Variants in PFKFB4 observed in about 807,000 individuals in gnomAD.
The protein encoded by PFKFB4 is 6-phosphofructo-2-kinase/fructose-2,6-biphosphatase 4.
Under a neutral mutation model 62.8 loss-of-function variants are expected in PFKFB4, and 42 were observed. The ratio of observed to expected loss-of-function variants is 0.67; its 90% CI spans 0.52 to 0.86. PFKFB4 has a LOEUF of 0.86. Among genes scored for constraint, PFKFB4 ranks in the 40% least tolerant of loss-of-function variants. PFKFB4 has a pLI of 0.00. For missense variants in PFKFB4, 475 were observed against 627.2 expected (o/e 0.76, Z 2.59); for synonymous variants, 204 against 240.7 (o/e 0.85, Z 1.41).
At chr3:48,535,703 G>A (rs1218011782) in intron 8 of PFKFB4, 45 bp from the exon 9 acceptor site, 1 of 1,609,684 alleles carries the variant, frequency 6.2e-7, no homozygotes, top group South Asian at 1.1e-5. Flanking sequence ...GTCTTGGGCT[G>A]CCCTTAAAGC....
intron 3 of PFKFB4, among the ~76,000 whole-genome samples, chr3:48,547,171 T>C (rs539587215): frequency 3.1e-4 from 47 of 152,176 alleles, no homozygotes; most frequent in Non-Finnish European, 5.4e-4. Context: ...GGTGAGAACA[T>C]GTGCGCCTTC....
At chr3:48,561,115 T>C (rs1407817955), upstream of PFKFB4, 3 of 1,283,202 alleles carry the variant, frequency 2.3e-6, no homozygotes, top group African/African-American at 3.1e-5. The surrounding 1 kb of genome is among the most constrained non-coding windows in gnomAD (Gnocchi z 5.2). Flanking sequence ...CCTCTGTCCA[T>C]CCTGCAACCA....
intron 1 of PFKFB4, among the ~76,000 whole-genome samples, chr3:48,555,908 TAA>T (rs397957030): frequency 7.1e-6 from 1 of 140,056 alleles, no homozygotes; most frequent in South Asian, 2.3e-4. Context: ...ACTCATCTCT[TAA>T]AAAAAAAAAA....
At chr3:48,543,778 T>C (rs1329051421) in intron 3 of PFKFB4, 132 bp from the exon 4 acceptor site, 1 of 715,024 alleles carries the variant, frequency 1.4e-6, no homozygotes, top group Non-Finnish European at 2.5e-6. Context: ...CTTTTCAAAG[T>C]TTCCCTTCTC....
intron 4 of PFKFB4, among the ~76,000 whole-genome samples, chr3:48,542,407 T>G (rs1479633303): frequency 6.6e-6 from 1 of 150,762 alleles, no homozygotes; most frequent in Non-Finnish European, 1.5e-5. Flanking sequence ...CAAGCTAGCA[T>G]GTAGCCACCA....
chr3:48,536,762 C>T (rs1267105844), intron 7 of PFKFB4: 2 of 390,650 alleles, frequency 5.1e-6, no homozygotes, highest in South Asian at 7.8e-5. Context: ...TGACTTTCTC[C>T]GCTGCTCATG....
At chr3:48,540,423 C>G (rs1033273489) in intron 4 of PFKFB4, among the ~76,000 whole-genome samples, 24 of 152,188 alleles carry the variant, frequency 1.6e-4, no homozygotes, top group African/African-American at 5.8e-4. Flanking sequence ...GGAGGACTAG[C>G]TGGCTGATAA....
rs1193914438 is a variant in PFKFB4 at position 48,523,571 on chromosome 3, C to T, written c.1251G>A (p.Leu417=). Residue 417 remains leucine, a synonymous_variant, in exon 12 of 14, where the codon CTG becomes CTA. Transcript: ENST00000232375. The part of the protein sequence containing the change: ...AEQLPYLKCP[L]HTVLKLTPVA... ...CAGGAGTCAGCTTCAGGACTGTGTG[C>T]AGCGGACACTTGAGGTAGGGCAGCT... is the stretch of plus-strand genomic sequence containing the variant. 10 of 1,614,036 alleles carry T rather than the reference C, an allele frequency of 6.2e-6. No homozygotes were observed.
chr3:48,530,079 C>G (rs2042385150), intron 9 of PFKFB4, among the ~76,000 whole-genome samples: 1 of 151,946 alleles, frequency 6.6e-6, no homozygotes, highest in Non-Finnish European at 1.5e-5. Context: ...ATGGTGAAAC[C>G]CTGTCTCTAC....
intron 3 of PFKFB4, among the ~76,000 whole-genome samples, chr3:48,546,240 G>A (rs1317574039): frequency 1.3e-5 from 2 of 152,132 alleles, no homozygotes; most frequent in Non-Finnish European, 2.9e-5. Context: ...ATGGGCACAG[G>A]TATGAGTGAG....
chr3:48,554,459 A>T (rs1269168502), intron 1 of PFKFB4, among the ~76,000 whole-genome samples: 1 of 152,198 alleles, frequency 6.6e-6, no homozygotes, highest in African/African-American at 2.4e-5. Context: ...TCCTCCAGGA[A>T]AAAGTGCGGA....
intron 9 of PFKFB4, among the ~76,000 whole-genome samples, chr3:48,533,347 A>C (rs2042488296): frequency 1.3e-5 from 2 of 152,234 alleles, no homozygotes; most frequent in Non-Finnish European, 2.9e-5. Flanking sequence ...CAAAACAGCT[A>C]TGATGGTAAA....
chr3:48,554,579 G>T (rs34746110), intron 1 of PFKFB4, among the ~76,000 whole-genome samples: 209 of 152,310 alleles, frequency 1.4e-3, no homozygotes, highest in Non-Finnish European at 2.7e-3. Context: ...AGAAACACAA[G>T]CCCTGCCTCA....
chr3:48,553,733 C>T (rs1560181466), intron 1 of PFKFB4, among the ~76,000 whole-genome samples: 1 of 152,226 alleles, frequency 6.6e-6, no homozygotes, highest in Non-Finnish European at 1.5e-5. Flanking sequence ...CAACTGCTCT[C>T]ACCTCCTTAG....
intron 9 of PFKFB4, among the ~76,000 whole-genome samples, chr3:48,531,629 A>T (rs555415030): frequency 3.0e-4 from 45 of 148,978 alleles, no homozygotes; most frequent in South Asian, 8.5e-4. Flanking sequence ...CCAAAAAAAA[A>T]TTTTTTTTTT....
In PFKFB4 at chr3:48,524,320, G is replaced by A. The variant is rs953327961; in HGVS notation, c.1093-490C>T. ...CCAGTATCTTCCCCCTATGCCTGCC[G>A]TGATGTACGGTTTAGGCCCCTGCTG... On this transcript the variant is annotated intron_variant, in intron 10 of 13. Coordinates refer to ENST00000232375, the MANE Select transcript of PFKFB4 (RefSeq NM_004567.4). Among the ~76,000 whole-genome samples, 6 of 152,188 alleles carry A rather than the reference G, an allele frequency of 3.9e-5. No homozygotes were observed. The East Asian group carries it at 5.8e-4, about 15-fold the overall frequency.
chr3:48,547,136 T>G (rs561718679), intron 3 of PFKFB4, among the ~76,000 whole-genome samples: 2 of 152,294 alleles, frequency 1.3e-5, no homozygotes, highest in East Asian at 3.9e-4. Context: ...TGTATGAGCG[T>G]GCTCAGGTGT....
intron 7 of PFKFB4, among the ~76,000 whole-genome samples, chr3:48,537,669 C>A: frequency 6.6e-6 from 1 of 151,808 alleles, no homozygotes; most frequent in Non-Finnish European, 1.5e-5. Flanking sequence ...GGACTACAGC[C>A]ATGCGCCACC....
At position 48,539,301 on chromosome 3, in the gene PFKFB4, C is replaced by CA; in HGVS notation, c.462dup (p.Val155CysfsTer9). The CA allele has an allele frequency of 6.2e-7, 1 of 1,606,450 alleles. No individual in the cohort carries two copies. The highest frequency in any genetic ancestry group is 8.5e-7 in the Non-Finnish European group (1 of 1,175,278). On this transcript the variant is annotated frameshift_variant, in exon 6 of 14. Coordinates refer to ENST00000232375, the MANE Select transcript of PFKFB4 (RefSeq NM_004567.4). LOFTEE classifies it high-confidence loss of function. ...TCAGGATCCACACAGATGGACTCGA[C>CA]AAAAAAGGTCTGCGGCAGGACCAGA...
Sources: allele counts gnomAD v4.1 joint callset (sites outside exome capture counted in the v4.1 genomes callset), GRCh38; gene constraint gnomAD v4.1.1; non-coding constraint Gnocchi (gnomAD v3.1); transcripts MANE v1.5; gene names NCBI Gene and HGNC (gene_info 2026-07-23, HGNC 2026-07-21).